NT5DC3: variants seen among roughly 807,000 people sequenced by gnomAD.
The protein encoded by NT5DC3 is 5'-nucleotidase domain-containing protein 3.
Under a neutral mutation model 67.8 loss-of-function variants are expected in NT5DC3, and 42 were observed. The observed-to-expected ratio is 0.62, with a 90% CI of 0.48 to 0.80. NT5DC3 has a LOEUF of 0.80. Ranked by LOEUF, NT5DC3 falls within the 30% of genes least tolerant of loss-of-function variation. The probability of loss-of-function intolerance (pLI) is 0.00; values close to 1 mark genes in which losing one functional copy is unlikely to be tolerated. For synonymous variants in NT5DC3, 237 were observed against 255.6 expected (o/e 0.93, Z 0.69); for missense variants, 570 against 696.4 (o/e 0.82, Z 2.04).
intron 2 of NT5DC3, among the ~76,000 whole-genome samples, chr12:103,813,737 C>T (rs895769384): frequency 4.6e-5 from 7 of 151,810 alleles, no homozygotes; most frequent in East Asian, 1.9e-4. Flanking sequence ...ATGACTAGGA[C>T]GATGAAAAGA....
chr12:103,828,796 T>G (rs1887805057), intron 1 of NT5DC3, among the ~76,000 whole-genome samples: 2 of 151,916 alleles, frequency 1.3e-5, no homozygotes, highest in African/African-American at 4.8e-5. Flanking sequence ...CCACACAGTT[T>G]CAAGTGATCC....
intron 1 of NT5DC3, among the ~76,000 whole-genome samples, chr12:103,815,559 C>T (rs1430851300): frequency 1.3e-5 from 2 of 152,026 alleles, no homozygotes; most frequent in Non-Finnish European, 2.9e-5. Flanking sequence ...GTTGCTGGGA[C>T]TACAGGCACA....
chr12:103,791,121 C>T (rs1016562069), intron 9 of NT5DC3, among the ~76,000 whole-genome samples: 1 of 152,080 alleles, frequency 6.6e-6, no homozygotes, highest in Non-Finnish European at 1.5e-5. Flanking sequence ...AGGATGAATA[C>T]AGATGGAGAA....
the NT5DC3 span, among the ~76,000 whole-genome samples, chr12:103,748,611 C>T: frequency 0.03 from 610 of 20,024 alleles, 1 homozygote; most frequent in African/African-American, 0.085. Context: ...CACATACACA[C>T]ACACACACAC....
At chr12:103,760,038 G>A in the NT5DC3 span, among the ~76,000 whole-genome samples, 1 of 152,172 alleles carries the variant, frequency 6.6e-6, no homozygotes. Context: ...GGAAGATAAG[G>A]AGTATTTCAG....
intron 9 of NT5DC3, among the ~76,000 whole-genome samples, chr12:103,791,325 G>C (rs975222830): frequency 6.6e-6 from 1 of 151,982 alleles, no homozygotes; most frequent in Non-Finnish European, 1.5e-5. Context: ...CCACACCCCA[G>C]AATCCACTAA....
intron 1 of NT5DC3, among the ~76,000 whole-genome samples, chr12:103,817,715 C>A (rs1328544540): frequency 1.3e-5 from 2 of 152,228 alleles, no homozygotes; most frequent in Admixed American, 1.3e-4. Context: ...TACACCAGCA[C>A]CAAATGGCAG....
At chr12:103,783,007 C>A (rs986526065) in intron 12 of NT5DC3, among the ~76,000 whole-genome samples, 1 of 152,004 alleles carries the variant, frequency 6.6e-6, no homozygotes, top group Non-Finnish European at 1.5e-5. Context: ...AACAAACAAA[C>A]AAAAAAATGA....
the NT5DC3 span, chr12:103,755,154 C>A: frequency 9.2e-7 from 1 of 1,082,946 alleles, no homozygotes; most frequent in Non-Finnish European, 1.3e-6. Context: ...ATCTAATGAC[C>A]ACCTACTGTG....
rs766458046 is a variant in NT5DC3 at position 103,775,482 on chromosome 12, C to T, written c.*2347G>A. On this transcript the variant is annotated 3_prime_UTR_variant, in exon 14 of 14. Coordinates refer to ENST00000392876, the MANE Select transcript of NT5DC3 (RefSeq NM_001031701.3). The stretch of plus-strand genomic sequence containing the variant: ...AAAACCAAGAATTATTTTTAAGCAA[C>T]ACCTACTTCCTGAATCTGCTTCTCC... 5 of 152,264 alleles carry T rather than the reference C, an allele frequency of 3.3e-5. No individual in the cohort carries two copies. The South Asian group carries it at 8.3e-4, about 25-fold the overall frequency. The allele number at this position is 152,264 out of a possible 1,614,324, so 9.4% of individuals were successfully genotyped here.
Position 103,780,382 on chromosome 12 carries a change from A to G in NT5DC3, c.1330-18T>C. 6.2e-7 allele frequency: 1 copy of G among 1,611,302 alleles called. No individual in the cohort carries two copies. The highest frequency in any genetic ancestry group is 8.5e-7 in the Non-Finnish European group (1 of 1,177,370). On this transcript the variant is annotated intron_variant, in intron 12 of 13. Coordinates refer to ENST00000392876, the MANE Select transcript of NT5DC3 (RefSeq NM_001031701.3). ...CTGTGAACCTGTAGGACACAAGTCA[A>G]TTATTACAACTGTTTTGATTTCAAA...
At chr12:103,840,149 G>T (rs1483819759) in intron 1 of NT5DC3, among the ~76,000 whole-genome samples, 1 of 152,126 alleles carries the variant, frequency 6.6e-6, no homozygotes, top group Non-Finnish European at 1.5e-5. Flanking sequence ...TCTATAGAAT[G>T]GGGATGTGGA....
downstream of NT5DC3, among the ~76,000 whole-genome samples, chr12:103,765,817 C>T (rs573795837): frequency 1.2e-4 from 18 of 152,332 alleles, no homozygotes; most frequent in South Asian, 3.5e-3. Flanking sequence ...GCTGGGATTA[C>T]AGGCGCGAGC....
intron 2 of NT5DC3, among the ~76,000 whole-genome samples, chr12:103,812,483 G>C (rs901489366): frequency 4.6e-5 from 7 of 151,804 alleles, no homozygotes; most frequent in African/African-American, 1.7e-4. Flanking sequence ...TCAAATAATA[G>C]TGATTGCAGC....
the NT5DC3 span, among the ~76,000 whole-genome samples, chr12:103,751,353 C>A: frequency 6.6e-6 from 1 of 152,066 alleles, no homozygotes; most frequent in Non-Finnish European, 1.5e-5. Flanking sequence ...AGGCTGTGAC[C>A]CCCTAGTGGC....
At chr12:103,763,494 G>A in the NT5DC3 span, 30 of 1,613,710 alleles carry the variant, frequency 1.9e-5, no homozygotes, top group Admixed American at 1.3e-4. Flanking sequence ...CCAAACAGTC[G>A]GAAGAGGACA....
chr12:103,761,207 C>A, the NT5DC3 span: 2 of 1,170,158 alleles, frequency 1.7e-6, no homozygotes, highest in Non-Finnish European at 2.5e-6. Flanking sequence ...GAAACATGGG[C>A]TCAGGGGCCT....
At chr12:103,766,476 G>T (rs892327278), downstream of NT5DC3, 1 of 1,002,952 alleles carries the variant, frequency 1.0e-6, no homozygotes, top group Non-Finnish European at 1.4e-6. Flanking sequence ...GCTGATCTGG[G>T]GGTTGTTTCT....
At chr12:103,836,819 C>G (rs1343520331) in intron 1 of NT5DC3, among the ~76,000 whole-genome samples, 3 of 152,136 alleles carry the variant, frequency 2.0e-5, no homozygotes, top group Non-Finnish European at 4.4e-5. Context: ...TCCCTCCCAG[C>G]TGCTTTCACG....
Sources: gnomAD v4.1 joint callset for allele counts (sites outside exome capture counted in the v4.1 genomes callset) on GRCh38, gnomAD v4.1.1 for gene constraint, MANE v1.5 for transcripts, NCBI Gene and HGNC (gene_info 2026-07-23, HGNC 2026-07-21) for gene names.